The following NBPF19 variants were observed in gnomAD, a reference collection of about 807,000 sequenced individuals.
NBPF19 encodes the protein NBPF family member NBPF19.
A neutral mutation model predicts 45.9 loss-of-function variants in NBPF19; 30 were observed. The ratio of observed to expected loss-of-function variants is 0.65; its 90% CI spans 0.49 to 0.89. NBPF19 has a LOEUF of 0.89. Among genes scored for constraint, NBPF19 ranks in the 40% least tolerant of loss-of-function variants. NBPF19 has a pLI of 0.00. For missense variants in NBPF19, 495 were observed against 471.8 expected, an observed-to-expected ratio of 1.05 and a Z score of -0.46; for synonymous variants, 183 against 181.2, an observed-to-expected ratio of 1.01 and a Z score of -0.08.
At chr1:149,514,693 CTGTGTGTGTGTG>C (rs1224656992) in intron 43 of NBPF19, among the ~76,000 whole-genome samples, 1 of 89,758 alleles carries the variant, frequency 1.1e-5, no homozygotes, top group African/African-American at 3.5e-5. Context: ...CTCTCTCTCT[CTGTGTGTGTGTG>C]TGTGTGTGTG....
At chr1:149,514,749 T>C in intron 43 of NBPF19, among the ~76,000 whole-genome samples, 187 bp from the exon 44 acceptor site, 1 of 65,162 alleles carries the variant, frequency 1.5e-5, no homozygotes, top group East Asian at 8.0e-4. Context: ...CTATCTGTCT[T>C]TCTCTTTCAT....
rs1199452636 is a variant in NBPF19 at position 149,490,898 on chromosome 1, C to CTGTG, written c.1491-222_1491-219dup. ...CTGAGCTCGTTCTCTCTCTCTCTCT[C>CTGTG]TGTGTGTGTGTGTGTGTGTGTGCGT... On this transcript the variant is annotated intron_variant, in intron 13 of 93. Coordinates refer to ENST00000651566, the MANE Select transcript of NBPF19 (RefSeq NM_001351365.2). Among the ~76,000 whole-genome samples the CTGTG allele has an allele frequency of 7.6e-4, 95 of 124,714 alleles. 3 individuals carry two copies. Among genetic ancestry groups the CTGTG allele is most frequent in the Admixed American group, 3.5e-3 (40 of 11,410 alleles). The allele number at this position is 124,714 out of a possible 152,430, so 81.8% of individuals were successfully genotyped here.
At chr1:149,486,705 G>C (rs1366899957) in intron 8 of NBPF19, among the ~76,000 whole-genome samples, 1 of 151,282 alleles carries the variant, frequency 6.6e-6, no homozygotes, top group Non-Finnish European at 1.5e-5. Flanking sequence ...ACCTGCCCAA[G>C]GCCAGTGTCA....
chr1:149,481,507 G>T (rs2085188502), intron 6 of NBPF19, among the ~76,000 whole-genome samples: 1 of 129,068 alleles, frequency 7.7e-6, no homozygotes, highest in Non-Finnish European at 1.6e-5. Context: ...TTGCAATGGA[G>T]TCTTGCTCTG....
intron 2 of NBPF19, among the ~76,000 whole-genome samples, chr1:149,477,235 G>A (rs2084894068): frequency 6.6e-6 from 1 of 150,720 alleles, no homozygotes; most frequent in South Asian, 2.1e-4. Flanking sequence ...GGTATTTCCT[G>A]TCAATCTCCT....
intron 2 of NBPF19, among the ~76,000 whole-genome samples, chr1:149,477,562 G>A (rs2084916864): frequency 6.6e-6 from 1 of 151,216 alleles, no homozygotes; most frequent in African/African-American, 2.4e-5. Context: ...AGTCCTAGGG[G>A]CCTTCCCGAC....
At chr1:149,521,017 C>T (rs1353142665) in intron 51 of NBPF19, among the ~76,000 whole-genome samples, 2 of 50,618 alleles carry the variant, frequency 4.0e-5, no homozygotes, top group Non-Finnish European at 8.9e-5. Context: ...CTCAGAGTGT[C>T]CTTTTACTCC....
At chr1:149,494,087 C>A (rs2085981152) in intron 17 of NBPF19, among the ~76,000 whole-genome samples, 1 of 134,338 alleles carries the variant, frequency 7.4e-6, no homozygotes, top group Non-Finnish European at 1.5e-5. Context: ...GCTGAGCTCA[C>A]TTTCTCCTCT....
At position 149,515,159 on chromosome 1, in the gene NBPF19, A is replaced by C. The variant is rs2086392007; in HGVS notation, c.5323+51A>C. ...AAGCACCACTGAGTCTTCCATATAA[A>C]GATCATATTCCTGCTCCAAGTGGCC... On this transcript the variant is annotated intron_variant, in intron 44 of 93. Transcript: ENST00000651566. 8 of 843,670 alleles carry C rather than the reference A, an allele frequency of 9.5e-6. 3 individuals carry two copies. The highest frequency in any genetic ancestry group is 5.8e-5 in the East Asian group (2 of 34,480). The allele number at this position is 843,670 out of a possible 1,614,324, so 52.3% of individuals were successfully genotyped here. A position where few individuals can be genotyped will look rare whatever the true frequency, so the allele number is the denominator to read the frequency against.
chr1:149,478,273 G>C (rs1330593162), intron 3 of NBPF19, among the ~76,000 whole-genome samples: 1 of 151,164 alleles, frequency 6.6e-6, no homozygotes, highest in Admixed American at 6.6e-5. Flanking sequence ...ACAAGTAATT[G>C]TTGAGGTGAA....
intron 4 of NBPF19, 78 bp downstream of exon 4, chr1:149,479,172 C>T: frequency 1.3e-6 from 2 of 1,568,918 alleles, no homozygotes; most frequent in Non-Finnish European, 1.7e-6. Flanking sequence ...TTCACAATGA[C>T]AGTTATATCA....
At position 149,554,481 on chromosome 1, in the gene NBPF19, G is replaced by T. The variant is rs1231893573; in HGVS notation, c.11289-14G>T. The stretch of plus-strand genomic sequence containing the variant: ...TTTCCCTGGCTGCTTCTTTAGTTTT[G>T]TCTCCTTTTCCAGGCTCAACAGCGT... On this transcript the variant is annotated splice_polypyrimidine_tract_variant and intron_variant, in intron 93 of 93. Coordinates refer to ENST00000651566, the MANE Select transcript of NBPF19 (RefSeq NM_001351365.2). 5 of 1,607,486 alleles carry T rather than the reference G, an allele frequency of 3.1e-6. No homozygotes were observed. The highest frequency in any genetic ancestry group is 1.3e-5 in the African/African-American group (1 of 74,488).
chr1:149,477,699 T>C (rs2084925789), intron 2 of NBPF19, among the ~76,000 whole-genome samples: 1 of 151,334 alleles, frequency 6.6e-6, no homozygotes, highest in African/African-American at 2.4e-5. Flanking sequence ...CACTTCGTTG[T>C]GGTTGAATCA....
chr1:149,486,505 C>G (rs1468638466), intron 8 of NBPF19, among the ~76,000 whole-genome samples: 1 of 151,208 alleles, frequency 6.6e-6, no homozygotes, highest in Non-Finnish European at 1.5e-5. Flanking sequence ...TAGTCTCAGG[C>G]CATGCCTGTG....
In NBPF19 at chr1:149,554,550, G is replaced by A. The variant is rs2087197021; in HGVS notation, c.11344G>A (p.Asp3782Asn). 1.7e-5 allele frequency: 27 copies of A among 1,608,110 alleles called. 4 individuals carry two copies. The highest frequency in any genetic ancestry group is 3.3e-5 in the Admixed American group (2 of 59,854). ...GCCTGAAGTCTTACAGGACTCACTG[G>A]ATGGATGTTATTCGACTCCGTCAAT... ...EEPEVLQDSL[D>N]GCYSTPSMYF... is the part of the protein sequence containing the mutation. Residue 3782 changes from aspartate (D) to asparagine (N), a missense_variant, in exon 94 of 94, where the codon GAT becomes AAT. Physicochemically the swap from Asp to Asn is conservative, Grantham distance 23 (BLOSUM62 1). Around this residue, in one of 8 missense-constraint regions of NBPF19, gnomAD observed 248 missense variants for 95.4 expected, o/e 2.60. Coordinates refer to ENST00000651566, the MANE Select transcript of NBPF19 (RefSeq NM_001351365.2).
At position 149,554,603 on chromosome 1, in the gene NBPF19, G is replaced by C; in HGVS notation, c.11397G>C (p.Gln3799His). 1 of 1,608,274 alleles carries C rather than the reference G, an allele frequency of 6.2e-7. No individual in the cohort carries two copies. The highest frequency in any genetic ancestry group is 8.5e-7 in the Non-Finnish European group (1 of 1,176,782). ...SMYFELPDSF[Q>H]HYRSVFYSFE... ...ACTTTGAACTACCTGACTCATTCCA[G>C]CACTACAGAAGTGTGTTTTACTCAT... The change falls in exon 94 of 94, where the codon CAG (glutamine) becomes CAC (histidine). Residue 3799 changes from glutamine (Q) to histidine (H), a missense_variant. Physicochemically the swap from Gln to His is conservative, Grantham distance 24. Coordinates refer to ENST00000651566, the MANE Select transcript of NBPF19 (RefSeq NM_001351365.2).
intron 51 of NBPF19, among the ~76,000 whole-genome samples, 160 bp from the exon 52 acceptor site, chr1:149,521,159 C>A (rs1480038749): frequency 1.2e-4 from 9 of 75,918 alleles, no homozygotes; most frequent in African/African-American, 4.8e-4. Flanking sequence ...CTACCTGGCC[C>A]TGTTCTATCC....
rs1486503832 is a variant in NBPF19, at chr1:149,478,083, G to A, written c.278+36G>A. 2.7e-6 allele frequency: 4 copies of A among 1,509,166 alleles called. No individual in the cohort carries two copies. The Admixed American group carries it at 5.0e-5, about 19-fold the overall frequency. The allele number at this position is 1,509,166 out of a possible 1,614,324, so 93.5% of individuals were successfully genotyped here. A position where few individuals can be genotyped will look rare whatever the true frequency, so the allele number is the denominator to read the frequency against. ...CCCGTGGGGGGAGGGCAGGCGGGTA[G>A]GTGTGTAGATCTCTGAAGTACAGCA... is the stretch of plus-strand genomic sequence containing the variant. On this transcript the variant is annotated intron_variant, in intron 3 of 93. Coordinates refer to ENST00000651566, the MANE Select transcript of NBPF19 (RefSeq NM_001351365.2).
chr1:149,520,975 TCA>T (rs2086694927), intron 51 of NBPF19, among the ~76,000 whole-genome samples: 1 of 29,846 alleles, frequency 3.4e-5, no homozygotes, highest in Non-Finnish European at 8.0e-5. Context: ...CTTTTCATGA[TCA>T]CAGTTTGCTG....
Sources: gnomAD v4.1 joint callset for allele counts (sites outside exome capture counted in the v4.1 genomes callset) on GRCh38, gnomAD v4.1.1 for gene constraint, gnomAD v4.1.1 regional missense constraint, MANE v1.5 for transcripts, NCBI Gene and HGNC (gene_info 2026-07-23, HGNC 2026-07-21) for gene names.